Variants in DEPDC4 observed in about 807,000 individuals in gnomAD.
DEPDC4 encodes DEP domain containing 4, also known as DEP domain-containing protein 4.
DEPDC4 carries 52 observed loss-of-function variants against 52.0 expected under a neutral mutation model. The observed-to-expected ratio is 1.00, with a 90% CI of 0.80 to 1.26. DEPDC4 has a LOEUF of 1.26. DEPDC4 is among the 50% of genes most tolerant of loss of function. The pLI is 0.00. For synonymous variants in DEPDC4, 201 were observed against 196.8 expected (o/e 1.02, Z -0.18); for missense variants, 530 against 546.9 (o/e 0.97, Z 0.31).
At chr12:100,252,065 C>T in intron 7 of DEPDC4, 111 bp downstream of exon 7, 2 of 974,440 alleles carry the variant, frequency 2.1e-6, no homozygotes, top group Non-Finnish European at 2.5e-6. Context: ...TTTCTTCAAA[C>T]TTTGCACATT....
chr12:100,270,877 TG>T (rs2096286893), upstream of DEPDC4, among the ~76,000 whole-genome samples: 1 of 152,068 alleles, frequency 6.6e-6, no homozygotes, highest in Non-Finnish European at 1.5e-5. Flanking sequence ...GCATTTAGCA[TG>T]GTGCTTTTCA....
At position 100,250,640 on chromosome 12, in the gene DEPDC4, T is replaced by C. The variant is rs572811366; in HGVS notation, c.1374+1536A>G. Among the ~76,000 whole-genome samples, 11 of 152,100 alleles carry C rather than the reference T, an allele frequency of 7.2e-5. No homozygotes were observed. The South Asian group carries it at 2.3e-3, about 32-fold the overall frequency. On this transcript the variant is annotated intron_variant, in intron 7 of 9. Transcript: ENST00000550587. ...TAGGAAAGAGGCAGATTCATTTATG[T>C]AGAGGAGGGGGTAGAGTGAGAAAGA...
rs1444085273 is a variant in DEPDC4, at chr12:100,263,537, T to A, written c.514A>T (p.Arg172Ter). The A allele has an allele frequency of 4.4e-6, 7 of 1,604,522 alleles. No individual in the cohort carries two copies. The highest frequency in any genetic ancestry group is 6.0e-6 in the Non-Finnish European group (7 of 1,176,224). ...GNKSSYDCCK[R>*]QKDAENEFNE... ...AACTCATTCTCAGCATCCTTTTGTC[T>A]TTTGCAACAATCGTAAGATGATTTA... The change falls in exon 2 of 10, where the codon AGA becomes TGA. Residue 172 changes from arginine (R) to a stop codon, truncating the protein, a stop_gained. Coordinates refer to ENST00000550587, the MANE Select transcript of DEPDC4 (RefSeq NM_001364818.2). LOFTEE classifies it high-confidence loss of function.
In DEPDC4 at chr12:100,253,437, T is replaced by C; in HGVS notation, c.1105+52A>G. 5 of 773,996 alleles carry C rather than the reference T, an allele frequency of 6.5e-6. No homozygotes were observed. In the South Asian group the frequency reaches 8.3e-5, roughly 13 times the overall value. The allele number at this position is 773,996 out of a possible 1,614,324, so 47.9% of individuals were successfully genotyped here. ...ACAATTTTCTATTTCAACTTGTATATTTTAAAATGTTTTATTACACCAAAA... is the reference window on the plus strand; with the variant it reads ...ACAATTTTCTATTTCAACTTGTATACTTTAAAATGTTTTATTACACCAAAA... On this transcript the variant is annotated intron_variant, in intron 5 of 9. Coordinates refer to ENST00000550587, the MANE Select transcript of DEPDC4 (RefSeq NM_001364818.2).
At chr12:100,244,134 T>TATATATATATATATATAC (rs1403751762) in intron 8 of DEPDC4, among the ~76,000 whole-genome samples, 2 of 121,824 alleles carry the variant, frequency 1.6e-5, no homozygotes, top group East Asian at 2.9e-4. Context: ...TATATATATA[T>TATATATATATATATATAC]ACACAAAATA....
chr12:100,278,943 T>C, the DEPDC4 span, among the ~76,000 whole-genome samples: 2 of 152,152 alleles, frequency 1.3e-5, no homozygotes, highest in Admixed American at 6.6e-5. Flanking sequence ...GAGGAAATTC[T>C]TATCTTTGTT....
chr12:100,247,201 GTTTTTTTTTT>G (rs869121983), intron 8 of DEPDC4, among the ~76,000 whole-genome samples: 29 of 71,700 alleles, frequency 4.0e-4, no homozygotes, highest in African/African-American at 1.5e-3. Flanking sequence ...TCCCCTTAGT[GTTTTTTTTTT>G]TTTTTTTTTT....
Position 100,259,070 on chromosome 12 carries a change from C to CA in DEPDC4, c.701-2845dup, listed in dbSNP as rs753948687. 1.3e-3 allele frequency among the ~76,000 whole-genome samples: 161 copies of CA among 121,664 alleles called. 1 individual carries two copies. Among genetic ancestry groups the CA allele is most frequent in the Non-Finnish European group, 1.9e-3 (105 of 55,858 alleles). 79.8% of individuals were successfully genotyped at this position (121,664 alleles called of 152,430 possible). On this transcript the variant is annotated intron_variant, in intron 3 of 9. Coordinates refer to ENST00000550587, the MANE Select transcript of DEPDC4 (RefSeq NM_001364818.2). ...TGGGCGACAGGGCAAAAATCTGTCT[C>CA]AAAAAAAAAAAATATATATATATAT...
At chr12:100,252,631 T>C in intron 5 of DEPDC4, 95 bp from the exon 6 acceptor site, 1 of 1,225,218 alleles carries the variant, frequency 8.2e-7, no homozygotes, top group East Asian at 2.5e-5. Flanking sequence ...GCTACAATGT[T>C]GTATTAGTTT....
chr12:100,263,740 A>T lies in DEPDC4; in HGVS notation c.311T>A (p.Leu104His). 1 of 1,614,172 alleles carries T rather than the reference A, an allele frequency of 6.2e-7. No homozygotes were observed. Among genetic ancestry groups the T allele is most frequent in the Non-Finnish European group, 8.5e-7 (1 of 1,180,028 alleles). Residue 104 changes from leucine (L) to histidine (H), a missense_variant, in exon 2 of 10, where the codon CTT (leucine) becomes CAT (histidine). By Grantham distance (99) the Leu-to-His change is moderately conservative (BLOSUM62 -3). Transcript: ENST00000550587. The stretch of plus-strand genomic sequence containing the variant: ...GCTACTTAGGCACGTGTTTTGCATA[A>T]GATGACTTAAGACCACATCGACAGC... ...SDAVDVVLSHLMQNTCLSSND... is the reference protein window; with the variant it reads ...SDAVDVVLSHHMQNTCLSSND...
chr12:100,249,374 C>T (rs899123631), intron 7 of DEPDC4, among the ~76,000 whole-genome samples: 1 of 152,076 alleles, frequency 6.6e-6, no homozygotes, highest in African/African-American at 2.4e-5. Context: ...ATAGGCCAGG[C>T]GTGGTGGCTC....
At position 100,267,067 on chromosome 12, in the gene DEPDC4, C is replaced by T. The variant is rs371547063; in HGVS notation, c.10G>A (p.Gly4Arg). The change falls in exon 1 of 10, where the codon GGG becomes AGG. Residue 4 changes from glycine (G) to arginine (R), a missense_variant. Physicochemically the swap from Gly to Arg is moderately radical, Grantham distance 125. Coordinates refer to ENST00000550587, the MANE Select transcript of DEPDC4 (RefSeq NM_001364818.2). MVP[G>R]EEPARELMAV... ...ATAAGCTCGCGCGCTGGCTCCTCCC[C>T]TGGCACCATAGCCCCGCCCCACCTG... The T allele has an allele frequency of 1.2e-6, 2 of 1,613,268 alleles. No homozygotes were observed. Among genetic ancestry groups the T allele is most frequent in the Non-Finnish European group, 1.7e-6 (2 of 1,179,682 alleles).
intron 3 of DEPDC4, 49 bp from the exon 4 acceptor site, chr12:100,256,275 C>T (rs770013160): frequency 5.3e-6 from 7 of 1,319,720 alleles, no homozygotes; most frequent in Non-Finnish European, 7.4e-6. Context: ...ATAAAACATA[C>T]ACATTCAACC....
chr12:100,256,063 G>T lies in DEPDC4; in HGVS notation c.864C>A (p.Ser288Arg). 6.2e-7 allele frequency: 1 copy of T among 1,603,322 alleles called. No individual in the cohort carries two copies. Among genetic ancestry groups the T allele is most frequent in the South Asian group, 1.1e-5 (1 of 89,230 alleles). ...NTCLDRELIPSLCLPEIDNWL... is the reference protein window; with the variant it reads ...NTCLDRELIPRLCLPEIDNWL... ...TGGTCACTTACTCAGGTAGACATAAGCTTGGAATAAGTTCTCTGTCTAGGC... is the reference window on the plus strand; with the variant it reads ...TGGTCACTTACTCAGGTAGACATAATCTTGGAATAAGTTCTCTGTCTAGGC... Residue 288 changes from serine to arginine, a missense_variant, in exon 4 of 10, where the codon AGC becomes AGA. Coordinates refer to ENST00000550587, the MANE Select transcript of DEPDC4 (RefSeq NM_001364818.2).
At chr12:100,239,817 G>A (rs2096151590), downstream of DEPDC4, among the ~76,000 whole-genome samples, 3 of 152,092 alleles carry the variant, frequency 2.0e-5, no homozygotes, top group South Asian at 6.2e-4. Flanking sequence ...AGAGGCAGGA[G>A]GATTGCTTGA....
chr12:100,266,048 G>A (rs893212628), intron 1 of DEPDC4, among the ~76,000 whole-genome samples: 5 of 151,636 alleles, frequency 3.3e-5, no homozygotes, highest in African/African-American at 7.3e-5. Flanking sequence ...TCATTCTTCC[G>A]TACCCCAGTA....
downstream of DEPDC4, among the ~76,000 whole-genome samples, chr12:100,235,382 A>T (rs535988303): frequency 1.1e-4 from 16 of 149,804 alleles, no homozygotes; most frequent in Admixed American, 1.0e-3. Flanking sequence ...TCTTTTTAAA[A>T]ATTCTTCATT....
intron 1 of DEPDC4, among the ~76,000 whole-genome samples, chr12:100,266,006 C>T (rs1185963229): frequency 1.3e-5 from 2 of 152,112 alleles, no homozygotes; most frequent in Non-Finnish European, 2.9e-5. Flanking sequence ...TTGCATCATT[C>T]CACAAAGAAA....
Position 100,253,676 on chromosome 12 carries a change from C to A in DEPDC4, c.918G>T (p.Glu306Asp), listed in dbSNP as rs2096218647. 7.8e-7 allele frequency: 1 copy of A among 1,289,882 alleles called. No homozygotes were observed. Among genetic ancestry groups the A allele is most frequent in the African/African-American group, 1.5e-5 (1 of 65,976 alleles). 79.9% of individuals were successfully genotyped at this position (1,289,882 alleles called of 1,614,324 possible). A position where few individuals can be genotyped will look rare whatever the true frequency, so the allele number is the denominator to read the frequency against. ...NWLNAAIECL[E>D]YFPDQLIVTV... is the part of the protein sequence containing the mutation. Reference sequence around the variant, plus strand: ...TAACTATTAACTGGTCAGGGAAATACTCCAAGCATTCAATTGCTGCATTAA... The same window carrying A: ...TAACTATTAACTGGTCAGGGAAATAATCCAAGCATTCAATTGCTGCATTAA... The change falls in exon 5 of 10, where the codon GAG becomes GAT. Residue 306 changes from glutamate to aspartate, a missense_variant. Coordinates refer to ENST00000550587, the MANE Select transcript of DEPDC4 (RefSeq NM_001364818.2).
Sources: allele counts gnomAD v4.1 joint callset (sites outside exome capture counted in the v4.1 genomes callset), GRCh38; gene constraint gnomAD v4.1.1; transcripts MANE v1.5; gene names NCBI Gene and HGNC (gene_info 2026-07-23, HGNC 2026-07-21).